KCNIP4: variants seen among roughly 807,000 people sequenced by gnomAD.
The protein encoded by KCNIP4 is Kv channel-interacting protein 4.
KCNIP4 carries 12 observed loss-of-function variants against 34.0 expected under a neutral mutation model. The ratio of observed to expected loss-of-function variants is 0.35; its 90% CI spans 0.23 to 0.57. The LOEUF (loss-of-function observed/expected upper bound fraction) is 0.57. Ranked by LOEUF, KCNIP4 falls within the 20% of genes least tolerant of loss-of-function variation. The pLI, the probability that KCNIP4 is intolerant of heterozygous loss-of-function variation, is 0.83. For synonymous variants in KCNIP4, 124 were observed against 102.2 expected, an observed-to-expected ratio of 1.21 and a Z score of -1.29; for missense variants, 238 against 311.7, an observed-to-expected ratio of 0.76 and a Z score of 1.78.
At chr4:20,808,813 G>A (rs987638489) in intron 3 of KCNIP4, among the ~76,000 whole-genome samples, 1 of 152,110 alleles carries the variant, frequency 6.6e-6, no homozygotes, top group Non-Finnish European at 1.5e-5. Context: ...AGTTAAGACA[G>A]GTTCACCATT....
At chr4:21,822,576 C>T (rs192380261) in intron 1 of KCNIP4, among the ~76,000 whole-genome samples, 20 of 152,138 alleles carry the variant, frequency 1.3e-4, no homozygotes, top group Middle Eastern at 3.4e-3. Flanking sequence ...TGGTAGTTTA[C>T]ATGGGATTAC....
intron 3 of KCNIP4, among the ~76,000 whole-genome samples, chr4:20,837,198 A>C (rs933812072): frequency 2.6e-5 from 4 of 151,616 alleles, no homozygotes; most frequent in Non-Finnish European, 4.4e-5. Context: ...GTGAATAGAC[A>C]AGAAAATAAC....
intron 1 of KCNIP4, among the ~76,000 whole-genome samples, chr4:21,076,921 G>A (rs767228400): frequency 1.9e-4 from 29 of 152,184 alleles, no homozygotes; most frequent in Middle Eastern, 6.8e-3. Context: ...TCAGGAGTTC[G>A]AGTCCAGTCT....
intron 1 of KCNIP4, among the ~76,000 whole-genome samples, chr4:21,736,595 C>T (rs1221221054): frequency 1.3e-5 from 2 of 152,162 alleles, no homozygotes; most frequent in African/African-American, 2.4e-5. Flanking sequence ...CTCGTTTTGA[C>T]AAACTCAAAT....
At chr4:20,765,024 G>A (rs1436377941) in intron 3 of KCNIP4, among the ~76,000 whole-genome samples, 2 of 152,156 alleles carry the variant, frequency 1.3e-5, no homozygotes, top group African/African-American at 2.4e-5. Flanking sequence ...GAAGTCACTT[G>A]TTTGAGTCAC....
At position 21,743,204 on chromosome 4, in the gene KCNIP4, G is replaced by A. The variant is rs560200411; in HGVS notation, c.61+205367C>T. Among the ~76,000 whole-genome samples the A allele has an allele frequency of 2.6e-5, 4 of 152,154 alleles. No homozygotes were observed. In the East Asian group the frequency reaches 7.7e-4, roughly 29 times the overall value. On this transcript the variant is annotated intron_variant, in intron 1 of 8. Transcript: ENST00000382152. ...GTCTGGAGTTCAGAAGTACAAAATC[G>A]GTCTAATTGGGATAAAATCAAGGTG... is the stretch of plus-strand genomic sequence containing the variant.
At chr4:21,567,232 G>C (rs1260985723) in intron 1 of KCNIP4, among the ~76,000 whole-genome samples, 1 of 151,720 alleles carries the variant, frequency 6.6e-6, no homozygotes, top group Non-Finnish European at 1.5e-5. Context: ...TATATGTGTA[G>C]ATCTATATAT....
At chr4:21,817,078 G>T (rs1038762430) in intron 1 of KCNIP4, among the ~76,000 whole-genome samples, 3 of 151,780 alleles carry the variant, frequency 2.0e-5, no homozygotes, top group Non-Finnish European at 4.4e-5. Flanking sequence ...CTCTTCTATT[G>T]GTTCCTTTGC....
chr4:20,954,061 G>A (rs767935414), intron 1 of KCNIP4, among the ~76,000 whole-genome samples: 50 of 152,082 alleles, frequency 3.3e-4, no homozygotes, highest in Non-Finnish European at 5.1e-4. Context: ...TCCAAGCTAT[G>A]GGCATATGCA....
At chr4:21,308,711 AGTGTGT>A (rs10525935) in intron 1 of KCNIP4, among the ~76,000 whole-genome samples, 47 of 149,974 alleles carry the variant, frequency 3.1e-4, no homozygotes, top group South Asian at 1.5e-3. Context: ...CTGCCGTGTG[AGTGTGT>A]GTGTGTGTGT....
At chr4:21,941,887 G>C (rs1730222553) in intron 1 of KCNIP4, among the ~76,000 whole-genome samples, 1 of 152,156 alleles carries the variant, frequency 6.6e-6, no homozygotes, top group South Asian at 2.1e-4. Context: ...TATTGTCAGA[G>C]TGTGTGAAGA....
rs1232172249 is a variant in KCNIP4 at position 21,504,476 on chromosome 4, AAAGAAAG to A, written c.61+444088_61+444094del. On this transcript the variant is annotated intron_variant, in intron 1 of 8. Transcript: ENST00000382152. ...GAATGACTCCAACTCAAAAAAAAAA[AAAGAAAG>A]AAAGAAAGAAAGAAAGAAAGAAAGG... Among the ~76,000 whole-genome samples the A allele has an allele frequency of 2.0e-4, 18 of 91,534 alleles. No homozygotes were observed. The South Asian group carries it at 4.6e-3, about 23-fold the overall frequency. The allele number at this position is 91,534 out of a possible 152,430, so 60.0% of individuals were successfully genotyped here.
intron 1 of KCNIP4, among the ~76,000 whole-genome samples, chr4:21,603,359 G>T (rs1743367366): frequency 6.6e-6 from 1 of 151,922 alleles, no homozygotes; most frequent in South Asian, 2.1e-4. Context: ...GTGTGGGAAA[G>T]AAAAAGAGGA....
At chr4:21,568,693 G>C (rs923282619) in intron 1 of KCNIP4, among the ~76,000 whole-genome samples, 20 of 152,182 alleles carry the variant, frequency 1.3e-4, no homozygotes, top group African/African-American at 4.8e-4. Context: ...CTTTGCCAGG[G>C]GCTCTCTGTG....
intron 1 of KCNIP4, among the ~76,000 whole-genome samples, chr4:21,913,102 A>T (rs1728431788): frequency 6.6e-6 from 1 of 151,936 alleles, no homozygotes; most frequent in South Asian, 2.1e-4. Flanking sequence ...TGCAACCTGC[A>T]TTTTAATAGT....
At chr4:20,734,146 G>T (rs6447975) in intron 6 of KCNIP4, among the ~76,000 whole-genome samples, 49,307 of 152,018 alleles carry the variant, frequency 0.32, 8,516 homozygotes, top group African/African-American at 0.43. Flanking sequence ...AATAAACTGT[G>T]TAATACGAGT....
In KCNIP4 at chr4:21,448,050, A is replaced by G. The variant is rs531888719; in HGVS notation, c.61+500521T>C. On this transcript the variant is annotated intron_variant, in intron 1 of 8. Transcript: ENST00000382152. The stretch of plus-strand genomic sequence containing the variant: ...GGGGAACTACTGTAGGTATTTTGAT[A>G]CTGCTTTGGGAAGCAAGATGAGGCT... Among the ~76,000 whole-genome samples the G allele has an allele frequency of 8.5e-5, 13 of 152,278 alleles. No individual in the cohort carries two copies. In the South Asian group the frequency reaches 2.3e-3, roughly 27 times the overall value.
chr4:21,571,129 G>A (rs12506906), intron 1 of KCNIP4, among the ~76,000 whole-genome samples: 32,171 of 152,004 alleles, frequency 0.21, 3,762 homozygotes, highest in East Asian at 0.46. Flanking sequence ...TAAGTTCTTC[G>A]TTCAGTTCAT....
At chr4:20,953,527 CA>C (rs1732996594) in intron 1 of KCNIP4, among the ~76,000 whole-genome samples, 1 of 151,978 alleles carries the variant, frequency 6.6e-6, no homozygotes, top group African/African-American at 2.4e-5. Flanking sequence ...ACTAAATATA[CA>C]AAAATTAGCC....
Sources: gnomAD v4.1 joint callset for allele counts (sites outside exome capture counted in the v4.1 genomes callset) on GRCh38, gnomAD v4.1.1 for gene constraint, MANE v1.5 for transcripts, NCBI Gene and HGNC (gene_info 2026-07-23, HGNC 2026-07-21) for gene names.